The following SLC8A3 variants were observed in gnomAD, a reference collection of about 807,000 sequenced individuals.
The protein encoded by SLC8A3 is solute carrier family 8 member A3.
In SLC8A3, 37 loss-of-function variants were observed where a neutral mutation model predicts 65.4. That is an observed-to-expected ratio of 0.57 (90% CI 0.44 to 0.74). The LOEUF (loss-of-function observed/expected upper bound fraction) is 0.74. Among genes scored for constraint, SLC8A3 ranks in the 30% least tolerant of loss-of-function variants. SLC8A3 has a pLI of 0.00. For synonymous variants in SLC8A3, 461 were observed against 444.5 expected (o/e 1.04, Z -0.47); for missense variants, 1,112 against 1,172.1 (o/e 0.95, Z 0.75).
intron 6 of SLC8A3, chr14:70,048,523 G>T (rs2139692721): frequency 1.6e-6 from 1 of 627,218 alleles, no homozygotes; most frequent in Non-Finnish European, 2.9e-6. Flanking sequence ...ATTACAGGGG[G>T]AAAATGTAAA....
intron 2 of SLC8A3, among the ~76,000 whole-genome samples, chr14:70,113,081 T>C (rs988461842): frequency 6.6e-6 from 1 of 152,234 alleles, no homozygotes; most frequent in African/African-American, 2.4e-5. Flanking sequence ...TTGTGTCCAC[T>C]GGAGACTTCA....
At chr14:70,078,816 G>C (rs1416884416) in intron 2 of SLC8A3, among the ~76,000 whole-genome samples, 2 of 152,186 alleles carry the variant, frequency 1.3e-5, no homozygotes, top group African/African-American at 4.8e-5. Context: ...TTCATGATTA[G>C]TATGAAGATA....
chr14:70,051,035 A>C lies in SLC8A3; in HGVS notation c.2086T>G (p.Phe696Val). ...GCACTGACGGTGATGGCCTCCATGAACTGGTCCCTCCAGGAATGGGTCCCC... is the reference window on the plus strand; with the variant it reads ...GCACTGACGGTGATGGCCTCCATGACCTGGTCCCTCCAGGAATGGGTCCCC... ...VVGTHSWRDQ[F>V]MEAITVSAAG... The change falls in exon 5 of 7, where the codon TTC (phenylalanine) becomes GTC (valine). Residue 696 changes from phenylalanine (F) to valine (V), a missense_variant. Phe to Val is a conservative substitution (Grantham distance 50). Transcript: ENST00000356921. 1 of 1,613,186 alleles carries C rather than the reference A, an allele frequency of 6.2e-7. No homozygotes were observed. The highest frequency in any genetic ancestry group is 8.5e-7 in the Non-Finnish European group (1 of 1,179,230).
Position 70,048,983 on chromosome 14 carries a change from C to T in SLC8A3, c.2173G>A (p.Val725Ile), listed in dbSNP as rs751057430. 88 of 1,614,182 alleles carry T rather than the reference C, an allele frequency of 5.5e-5. 1 individual carries two copies. In the South Asian group the frequency reaches 5.6e-4, roughly 10 times the overall value. The change falls in exon 6 of 7, where the codon GTC becomes ATC. Residue 725 changes from valine (V) to isoleucine (I), a missense_variant. Val to Ile is a conservative substitution (Grantham distance 29, BLOSUM62 3). Coordinates refer to ENST00000356921, the MANE Select transcript of SLC8A3 (RefSeq NM_182932.3). ...CAGAAGACAGTCAGGAAGTGCATGA[C>T]GTAGTCAAAGCAGGAGGGCAGCCTC... ...EERLPSCFDY[V>I]MHFLTVFWKV...
At position 70,046,669 on chromosome 14, in the gene SLC8A3, A is replaced by AC; in HGVS notation, c.2390-347dup. 1 of 218,974 alleles carries AC rather than the reference A, an allele frequency of 4.6e-6. No individual in the cohort carries two copies. Among genetic ancestry groups the AC allele is most frequent in the East Asian group, 9.4e-5 (1 of 10,658 alleles). 13.6% of individuals were successfully genotyped at this position (218,974 alleles called of 1,614,324 possible). ...CATAATATCTCCCCAGGGAACCTTG[A>AC]CACCCTGGGAAGCTGCTTGGAGTAG... On this transcript the variant is annotated intron_variant, in intron 6 of 6. Transcript: ENST00000356921. The surrounding 1 kb of genome is among the most constrained non-coding windows in gnomAD (Gnocchi z 4.2).
At chr14:70,070,610 T>A (rs67484752) in intron 2 of SLC8A3, among the ~76,000 whole-genome samples, 29,718 of 152,124 alleles carry the variant, frequency 0.2, 3,063 homozygotes, top group Non-Finnish European at 0.22. Context: ...CAAAGGAAGT[T>A]GGTGGGAAGT....
chr14:70,048,489 C>G, intron 6 of SLC8A3: 1 of 607,232 alleles, frequency 1.6e-6, no homozygotes, highest in Non-Finnish European at 2.9e-6. Context: ...ATAACTTACC[C>G]TATTTAATAG....
chr14:70,064,881 G>A (rs1889242523), intron 2 of SLC8A3, among the ~76,000 whole-genome samples: 1 of 151,756 alleles, frequency 6.6e-6, no homozygotes, highest in Non-Finnish European at 1.5e-5. Context: ...ATTTATTGGA[G>A]CTTTAAAAAC....
intron 2 of SLC8A3, among the ~76,000 whole-genome samples, chr14:70,107,177 A>T (rs1892930448): frequency 6.6e-6 from 1 of 152,054 alleles, no homozygotes; most frequent in Admixed American, 6.5e-5. Flanking sequence ...CTCTACATAA[A>T]ACCAAATAAC....
chr14:70,076,938 C>T (rs184204371), intron 2 of SLC8A3, among the ~76,000 whole-genome samples: 42 of 152,186 alleles, frequency 2.8e-4, no homozygotes, highest in Admixed American at 9.8e-4. Context: ...GACAAATTAC[C>T]GAATCTCTAT....
At chr14:70,139,014 G>T (rs1216690056) in intron 2 of SLC8A3, among the ~76,000 whole-genome samples, 2 of 152,126 alleles carry the variant, frequency 1.3e-5, no homozygotes, top group African/African-American at 4.8e-5. Context: ...TCCCAATGTT[G>T]GCAATTGGAG....
intron 2 of SLC8A3, among the ~76,000 whole-genome samples, chr14:70,066,486 C>T (rs1389737807): frequency 6.6e-6 from 1 of 152,026 alleles, no homozygotes; most frequent in African/African-American, 2.4e-5. Context: ...TTTACTACCC[C>T]CCTTCCTTCT....
chr14:70,163,767 G>A (rs1159688505), intron 2 of SLC8A3, among the ~76,000 whole-genome samples: 2 of 152,154 alleles, frequency 1.3e-5, no homozygotes, highest in South Asian at 2.1e-4. Flanking sequence ...GTTGGGGCCC[G>A]CAGCATCCAG....
intron 2 of SLC8A3, among the ~76,000 whole-genome samples, chr14:70,145,513 C>T (rs1015082798): frequency 6.6e-6 from 1 of 152,174 alleles, no homozygotes; most frequent in African/African-American, 2.4e-5. Flanking sequence ...GCCCTGGCCC[C>T]CTCACTAGAG....
chr14:70,162,409 G>T (rs1394573374), intron 2 of SLC8A3, among the ~76,000 whole-genome samples: 1 of 152,136 alleles, frequency 6.6e-6, no homozygotes, highest in Non-Finnish European at 1.5e-5. Flanking sequence ...AAAAATGGGA[G>T]GTCAGATACC....
At chr14:70,063,890 A>G (rs1889102644) in intron 2 of SLC8A3, 4 of 1,611,910 alleles carry the variant, frequency 2.5e-6, no homozygotes, top group Non-Finnish European at 3.4e-6. Flanking sequence ...TGTTTTTCTC[A>G]TATGCCTCAT....
intron 2 of SLC8A3, among the ~76,000 whole-genome samples, chr14:70,138,361 A>G (rs1394258566): frequency 1.3e-5 from 2 of 152,260 alleles, no homozygotes; most frequent in African/African-American, 2.4e-5. Flanking sequence ...TAGGGACTCA[A>G]GAAATCTTTG....
intron 2 of SLC8A3, among the ~76,000 whole-genome samples, chr14:70,120,661 C>G (rs568951088): frequency 6.6e-6 from 1 of 152,258 alleles, no homozygotes; most frequent in Non-Finnish European, 1.5e-5. Context: ...CCTCCCTCTG[C>G]CTTTAGCTTG....
chr14:70,167,556 C>T lies in SLC8A3; in HGVS notation c.867G>A (p.Gly289=), dbSNP rs762408680. 4.3e-6 allele frequency: 7 copies of T among 1,613,890 alleles called. No homozygotes were observed. The highest frequency in any genetic ancestry group is 5.1e-6 in the Non-Finnish European group (6 of 1,180,026). Residue 289 remains glycine, a synonymous_variant, in exon 2 of 7, where the codon GGG becomes GGA. Coordinates refer to ENST00000356921, the MANE Select transcript of SLC8A3 (RefSeq NM_182932.3). ...CTAGAAAATGGGAATTCATCATTTT[C>T]CCATCCATCTCAATGCCCTTAGGGT... ...GDHPKGIEMD[G]KMMNSHFLDG... is the part of the protein sequence containing the mutation.
Sources: gnomAD v4.1 joint callset for allele counts (sites outside exome capture counted in the v4.1 genomes callset) on GRCh38, gnomAD v4.1.1 for gene constraint, Gnocchi (gnomAD v3.1) non-coding constraint, MANE v1.5 for transcripts, NCBI Gene and HGNC (gene_info 2026-07-23, HGNC 2026-07-21) for gene names.